Variants in FAM168A observed in about 807,000 individuals in gnomAD.
The protein encoded by FAM168A is protein FAM168A.
FAM168A carries 3 observed loss-of-function variants against 28.5 expected under a neutral mutation model. The observed-to-expected ratio is 0.11, with a 90% CI of 0.05 to 0.27. FAM168A has a LOEUF of 0.27. Among genes scored for constraint, FAM168A ranks in the 10% least tolerant of loss-of-function variants. The pLI, the probability that FAM168A is intolerant of heterozygous loss-of-function variation, is 1.00. For missense variants in FAM168A, 222 were observed against 311.5 expected, an observed-to-expected ratio of 0.71 and a Z score of 2.16; for synonymous variants, 122 against 124.2, an observed-to-expected ratio of 0.98 and a Z score of 0.12.
rs1421983104 is a variant in FAM168A, at chr11:73,544,937, TATGTA to T, written c.-19+52981_-19+52985del. Among the ~76,000 whole-genome samples, 168 of 93,154 alleles carry T rather than the reference TATGTA, an allele frequency of 1.8e-3. 1 individual carries two copies. Among genetic ancestry groups the T allele is most frequent in the African/African-American group, 8.4e-3 (163 of 19,426 alleles). 61.1% of individuals were successfully genotyped at this position (93,154 alleles called of 152,430 possible). On this transcript the variant is annotated intron_variant, in intron 1 of 7. Coordinates refer to ENST00000356467, the MANE Select transcript of FAM168A (RefSeq NM_015159.3). ...ATATTATATATAATATAAAATATAT[TATGTA>T]ATATATAATATATTATATATAATAT...
intron 1 of FAM168A, among the ~76,000 whole-genome samples, chr11:73,469,644 C>T (rs968164012): frequency 2.0e-5 from 3 of 152,138 alleles, no homozygotes; most frequent in African/African-American, 4.8e-5. Context: ...CTAAAACATA[C>T]GTAATGTGTA....
chr11:73,536,865 T>A (rs1327971714), intron 1 of FAM168A, among the ~76,000 whole-genome samples: 4 of 152,194 alleles, frequency 2.6e-5, no homozygotes, highest in Non-Finnish European at 4.4e-5. Context: ...CGGATCCATA[T>A]GTGGATAAAT....
intron 1 of FAM168A, among the ~76,000 whole-genome samples, chr11:73,509,731 TAAC>T (rs1209571531): frequency 6.6e-6 from 1 of 152,186 alleles, no homozygotes; most frequent in African/African-American, 2.4e-5. Flanking sequence ...CTCCAGCACT[TAAC>T]AATGTTCTAG....
At chr11:73,407,350 T>C (rs955311154) in intron 7 of FAM168A, among the ~76,000 whole-genome samples, 163 bp downstream of exon 7, 3 of 152,214 alleles carry the variant, frequency 2.0e-5, no homozygotes, top group Non-Finnish European at 4.4e-5. Flanking sequence ...GTGATAGCTA[T>C]TATTAAGAGT....
At chr11:73,474,783 T>C (rs1258228913) in intron 1 of FAM168A, among the ~76,000 whole-genome samples, 4 of 152,198 alleles carry the variant, frequency 2.6e-5, no homozygotes, top group African/African-American at 9.7e-5. Context: ...TACATATTAG[T>C]TGAACAAACA....
At chr11:73,450,088 T>C (rs139388841) in intron 2 of FAM168A, among the ~76,000 whole-genome samples, 37 of 152,306 alleles carry the variant, frequency 2.4e-4, no homozygotes, top group African/African-American at 8.9e-4. Context: ...GAAAAGAAAA[T>C]TGTTGGCTAT....
intron 2 of FAM168A, among the ~76,000 whole-genome samples, chr11:73,460,422 G>A (rs1867624092): frequency 6.6e-6 from 1 of 150,684 alleles, no homozygotes; most frequent in East Asian, 1.9e-4. Flanking sequence ...AATTTACTGA[G>A]AGCCAACTCT....
chr11:73,442,291 A>C (rs958806542), intron 2 of FAM168A, among the ~76,000 whole-genome samples: 1 of 151,750 alleles, frequency 6.6e-6, no homozygotes, highest in Non-Finnish European at 1.5e-5. Context: ...ACGCACGGCT[A>C]ATTTTTTGTA....
chr11:73,476,185 C>T (rs1254321063), intron 1 of FAM168A, among the ~76,000 whole-genome samples: 1 of 152,258 alleles, frequency 6.6e-6, no homozygotes, highest in East Asian at 1.9e-4. Flanking sequence ...TGAATGCATT[C>T]CCCAAACCAC....
At position 73,468,465 on chromosome 11, in the gene FAM168A, C is replaced by T; in HGVS notation, c.10G>A (p.Val4Ile). MNP[V>I]YSPVQPGAPY... is the part of the protein sequence containing the mutation. ...GCCCCAGGCTGCACGGGGCTGTAAA[C>T]AGGGTTCATTGTGGAAGACTGAGGA... Residue 4 changes from valine to isoleucine, a missense_variant, in exon 2 of 8, where the codon GTT becomes ATT. Val to Ile is a conservative substitution (Grantham distance 29, BLOSUM62 3). Around this residue, in one of 3 missense-constraint regions of FAM168A, gnomAD observed 153 missense variants for 189.2 expected, o/e 0.81. Coordinates refer to ENST00000356467, the MANE Select transcript of FAM168A (RefSeq NM_015159.3). 6.2e-7 allele frequency: 1 copy of T among 1,614,026 alleles called. No homozygotes were observed. The highest frequency in any genetic ancestry group is 8.5e-7 in the Non-Finnish European group (1 of 1,179,948).
At chr11:73,517,354 C>T (rs1159112778) in intron 1 of FAM168A, among the ~76,000 whole-genome samples, 1 of 152,148 alleles carries the variant, frequency 6.6e-6, no homozygotes, top group African/African-American at 2.4e-5. Context: ...TAAAAAGTAA[C>T]TGAGTAGTAA....
In FAM168A at chr11:73,471,358, TA is replaced by T. The variant is rs956337471; in HGVS notation, c.-18-2867del. Among the ~76,000 whole-genome samples the T allele has an allele frequency of 2.6e-5, 4 of 151,890 alleles. No individual in the cohort carries two copies. The East Asian group carries it at 5.8e-4, about 22-fold the overall frequency. On this transcript the variant is annotated intron_variant, in intron 1 of 7. Coordinates refer to ENST00000356467, the MANE Select transcript of FAM168A (RefSeq NM_015159.3). ...GGAAAAAAACAAAAAACATAATTTG[TA>T]AAAAAAAATTTTTTAATGACAGGTT...
intron 1 of FAM168A, among the ~76,000 whole-genome samples, chr11:73,587,482 A>T (rs947158191): frequency 6.7e-5 from 10 of 148,976 alleles, no homozygotes; most frequent in African/African-American, 2.5e-4. Context: ...ACAAAGCGAG[A>T]CTCCGTCTCA....
intron 1 of FAM168A, among the ~76,000 whole-genome samples, chr11:73,544,941 T>C (rs1194880423): frequency 1.1e-5 from 1 of 88,004 alleles, no homozygotes; most frequent in Admixed American, 1.8e-4. Flanking sequence ...ATATATTATG[T>C]AATATATAAT....
At chr11:73,554,266 T>C (rs1943863049) in intron 1 of FAM168A, among the ~76,000 whole-genome samples, 1 of 151,876 alleles carries the variant, frequency 6.6e-6, no homozygotes, top group East Asian at 1.9e-4. Flanking sequence ...CAGTCCCAGC[T>C]ACTTGGGAGG....
chr11:73,576,937 G>C (rs1414830136), intron 1 of FAM168A, among the ~76,000 whole-genome samples: 2 of 147,396 alleles, frequency 1.4e-5, no homozygotes, highest in Middle Eastern at 3.2e-3. Flanking sequence ...GCAAAGCATA[G>C]GTGCCTCCCA....
intron 1 of FAM168A, among the ~76,000 whole-genome samples, chr11:73,541,532 C>G (rs977802454): frequency 2.0e-5 from 3 of 151,874 alleles, no homozygotes; most frequent in Non-Finnish European, 2.9e-5. Context: ...GCCACCACAC[C>G]CGGCTAATTT....
intron 2 of FAM168A, among the ~76,000 whole-genome samples, chr11:73,446,975 T>C (rs559654034): frequency 2.0e-5 from 3 of 152,228 alleles, no homozygotes; most frequent in Non-Finnish European, 4.4e-5. Context: ...AGTCCAGCTC[T>C]TGCACATTTA....
At chr11:73,461,822 GTAA>G (rs1464297870) in intron 2 of FAM168A, among the ~76,000 whole-genome samples, 1 of 152,092 alleles carries the variant, frequency 6.6e-6, no homozygotes, top group Non-Finnish European at 1.5e-5. Flanking sequence ...CCCAGAAAGA[GTAA>G]TAATGACCTG....
Sources: gnomAD v4.1 joint callset for allele counts (sites outside exome capture counted in the v4.1 genomes callset) on GRCh38, gnomAD v4.1.1 for gene constraint, gnomAD v4.1.1 regional missense constraint, MANE v1.5 for transcripts, NCBI Gene and HGNC (gene_info 2026-07-23, HGNC 2026-07-21) for gene names.